The following ENPP3 variants were observed in gnomAD, a reference collection of about 807,000 sequenced individuals.
ENPP3 encodes ectonucleotide pyrophosphatase/phosphodiesterase family member 3.
ENPP3 carries 104 observed loss-of-function variants against 117.8 expected under a neutral mutation model. The ratio of observed to expected loss-of-function variants is 0.88; its 90% CI spans 0.75 to 1.04. ENPP3 has a LOEUF of 1.04. ENPP3 is among the 50% of genes least tolerant of loss of function. ENPP3 has a pLI of 0.00. For missense variants in ENPP3, 1,026 were observed against 1,051.9 expected (o/e 0.98, Z 0.34); for synonymous variants, 380 against 349.9 (o/e 1.09, Z -0.96).
In ENPP3 at chr6:131,746,815, A is replaced by G; in HGVS notation, c.2487A>G (p.Glu829=). The stretch of plus-strand genomic sequence containing the variant: ...GTAAACCAGAAGCTCTTTGGGTTGA[A>G]GAAAGATTTACAGCTCACATTGCCC... The part of the protein sequence containing the change: ...PEGKPEALWV[E]ERFTAHIARV... The change falls in exon 25 of 25, where the codon GAA becomes GAG. Residue 829 remains glutamate, a synonymous_variant. Coordinates refer to ENST00000357639, the MANE Select transcript of ENPP3 (RefSeq NM_005021.5). 1 of 1,609,944 alleles carries G rather than the reference A, an allele frequency of 6.2e-7. No homozygotes were observed. The highest frequency in any genetic ancestry group is 8.5e-7 in the Non-Finnish European group (1 of 1,178,748).
At position 131,685,886 on chromosome 6, in the gene ENPP3, G is replaced by C. The variant is rs1230260005; in HGVS notation, c.1263G>C (p.Glu421Asp). The C allele has an allele frequency of 1.0e-6, 1 of 955,436 alleles. No individual in the cohort carries two copies. The highest frequency in any genetic ancestry group is 1.6e-5 in the African/African-American group (1 of 61,862). The allele number at this position is 955,436 out of a possible 1,614,324, so 59.2% of individuals were successfully genotyped here. The change falls in exon 14 of 25, where the codon GAG (glutamate) becomes GAC (aspartate). Residue 421 changes from glutamate (E) to aspartate (D), a missense_variant. Physicochemically the swap from Glu to Asp is conservative, Grantham distance 45. Transcript: ENST00000357639. ...TTTCTTTTGAAACAGTTAATTCTGA[G>C]GAAATTGTTAGAAACCTCAGTGTAA... ...IPHDFFSFNS[E>D]EIVRNLSCRK...
intron 13 of ENPP3, 66 bp downstream of exon 13, chr6:131,685,561 A>G (rs1779136982): frequency 2.6e-6 from 4 of 1,518,078 alleles, no homozygotes; most frequent in Non-Finnish European, 2.7e-6. Context: ...TAGTCCACTA[A>G]TTCTGAGAGG....
chr6:131,640,165 G>T (rs1052009279), intron 1 of ENPP3, among the ~76,000 whole-genome samples: 1 of 152,178 alleles, frequency 6.6e-6, no homozygotes, highest in African/African-American at 2.4e-5. Flanking sequence ...AACAGCAAAA[G>T]TACCACAGAT....
chr6:131,700,632 A>G lies in ENPP3; in HGVS notation c.1412+7008A>G, dbSNP rs751888762. ...GTTCCCATATCTGGGTCCAACATAC[A>G]TGATAATGGCTGTGCCATAAACGAG... is the stretch of plus-strand genomic sequence containing the variant. On this transcript the variant is annotated intron_variant, in intron 15 of 24. Transcript: ENST00000357639. 5.8e-6 allele frequency: 9 copies of G among 1,556,742 alleles called. 2 individuals carry two copies. In the East Asian group the frequency reaches 7.6e-5, roughly 13 times the overall value.
intron 23 of ENPP3, 86 bp downstream of exon 23, chr6:131,738,249 T>G: frequency 9.7e-7 from 1 of 1,025,892 alleles, no homozygotes; most frequent in Non-Finnish European, 1.5e-6. Flanking sequence ...ATTTTAAATA[T>G]TACATAATAC....
At chr6:131,642,073 G>A (rs1245461666) in intron 2 of ENPP3, among the ~76,000 whole-genome samples, 2 of 151,984 alleles carry the variant, frequency 1.3e-5, no homozygotes, top group African/African-American at 4.8e-5. Context: ...GGGATTACAG[G>A]TGTGAGTTGC....
intron 24 of ENPP3, among the ~76,000 whole-genome samples, chr6:131,741,721 G>A (rs1780531430): frequency 6.6e-6 from 1 of 152,140 alleles, no homozygotes; most frequent in African/African-American, 2.4e-5. Context: ...GAGGAAGGTT[G>A]GGAATGAGAA....
intron 2 of ENPP3, among the ~76,000 whole-genome samples, chr6:131,641,957 G>A (rs1256015961): frequency 1.3e-5 from 2 of 151,564 alleles, no homozygotes; most frequent in African/African-American, 4.8e-5. Context: ...ACCACACCCG[G>A]CTAATTTTTG....
At chr6:131,710,078 C>T (rs1251778091) in intron 15 of ENPP3, 3 of 1,613,582 alleles carry the variant, frequency 1.9e-6, no homozygotes, top group Non-Finnish European at 2.5e-6. Context: ...TTCTTCAAAG[C>T]TCCTTTCGGA....
chr6:131,641,967 G>A (rs1778054195), intron 2 of ENPP3, among the ~76,000 whole-genome samples: 1 of 151,472 alleles, frequency 6.6e-6, no homozygotes, highest in Admixed American at 6.6e-5. Flanking sequence ...GCTAATTTTT[G>A]CAGTTTTAGT....
chr6:131,685,744 A>G (rs984828852), intron 13 of ENPP3, 132 bp from the exon 14 acceptor site: 4 of 658,894 alleles, frequency 6.1e-6, no homozygotes. Context: ...GCTTGAAATA[A>G]TTTTTAATAT....
chr6:131,647,045 T>G (rs932098305), intron 2 of ENPP3, among the ~76,000 whole-genome samples: 1 of 151,676 alleles, frequency 6.6e-6, no homozygotes, highest in African/African-American at 2.4e-5. Flanking sequence ...ATCTAATTTT[T>G]GTATGCTTTG....
In ENPP3 at chr6:131,722,245, C is replaced by T. The variant is rs1585717545; in HGVS notation, c.1586C>T (p.Pro529Leu). 1 of 1,613,110 alleles carries T rather than the reference C, an allele frequency of 6.2e-7. No individual in the cohort carries two copies. Among genetic ancestry groups the T allele is most frequent in the Non-Finnish European group, 8.5e-7 (1 of 1,179,696 alleles). Residue 529 changes from proline to leucine, a missense_variant, in exon 18 of 25, where the codon CCA becomes CTA. Transcript: ENST00000357639. ...NLMCDLLRIQPAPNNGTHGSL... is the reference protein window; with the variant it reads ...NLMCDLLRIQLAPNNGTHGSL... ...AAAACAGATCTTCTACGCATTCAAC[C>T]AGCACCAAACAATGGAACCCATGGT...
intron 7 of ENPP3, 82 bp downstream of exon 7, chr6:131,671,409 G>A (rs10080319): frequency 0.038 from 31,399 of 823,246 alleles, 2,038 homozygotes; most frequent in African/African-American, 0.24. Context: ...GGAACTGACC[G>A]AGTTCTGTGA....
rs750206968 is a variant in ENPP3 at position 131,693,464 on chromosome 6, T to C, written c.1285-33T>C. 4 of 1,585,022 alleles carry C rather than the reference T, an allele frequency of 2.5e-6. No individual in the cohort carries two copies. The East Asian group carries it at 6.7e-5, about 27-fold the overall frequency. ...TTTTAAAATTAATTTGCATATCTTATGTATCATAAAGAAATATTTACTTGC... is the reference window on the plus strand; with the variant it reads ...TTTTAAAATTAATTTGCATATCTTACGTATCATAAAGAAATATTTACTTGC... On this transcript the variant is annotated intron_variant, in intron 14 of 24. Transcript: ENST00000357639.
At chr6:131,687,354 A>G (rs1020403056) in intron 14 of ENPP3, among the ~76,000 whole-genome samples, 1 of 152,232 alleles carries the variant, frequency 6.6e-6, no homozygotes, top group Non-Finnish European at 1.5e-5. Context: ...CCATATATAA[A>G]AATTAACTCA....
chr6:131,638,387 G>T, intron 1 of ENPP3: 1 of 354,240 alleles, frequency 2.8e-6, no homozygotes, highest in South Asian at 2.3e-5. Context: ...CCCTATCTAA[G>T]ATCTCTTAAG....
rs536068014 is a variant in ENPP3, at chr6:131,674,497, T to C, written c.762+216T>C. On this transcript the variant is annotated intron_variant, in intron 8 of 24. Transcript: ENST00000357639. ...GTATGTTTAAACTTGGATATTGGGT[T>C]ATAAATGTATCCATCTGGAAGTTAC... The C allele has an allele frequency of 1.1e-4, 60 of 566,258 alleles. No homozygotes were observed. In the South Asian group the frequency reaches 1.2e-3, roughly 12 times the overall value. The allele number at this position is 566,258 out of a possible 1,614,324, so 35.1% of individuals were successfully genotyped here.
intron 14 of ENPP3, among the ~76,000 whole-genome samples, chr6:131,689,085 A>G (rs1015547368): frequency 1.3e-5 from 2 of 152,092 alleles, no homozygotes; most frequent in Admixed American, 1.3e-4. Flanking sequence ...GAGAGAAAAA[A>G]AGAAGAAGCC....
Sources: gnomAD v4.1 joint callset for allele counts (sites outside exome capture counted in the v4.1 genomes callset) on GRCh38, gnomAD v4.1.1 for gene constraint, MANE v1.5 for transcripts, NCBI Gene and HGNC (gene_info 2026-07-23, HGNC 2026-07-21) for gene names.